Variants in MTUS2 observed in about 807,000 individuals in gnomAD.
MTUS2 encodes microtubule associated scaffold protein 2, also known as microtubule-associated tumor suppressor candidate 2.
In MTUS2, 40 loss-of-function variants were observed where a neutral mutation model predicts 114.1. The ratio of observed to expected loss-of-function variants is 0.35; its 90% CI spans 0.27 to 0.46. The LOEUF (loss-of-function observed/expected upper bound fraction) is 0.46, where lower values mean the gene tolerates loss of function less well. Among genes scored for constraint, MTUS2 ranks in the 20% least tolerant of loss-of-function variants. MTUS2 has a pLI of 1.00. For missense variants in MTUS2, 1,679 were observed against 1,705.4 expected (o/e 0.98, Z 0.27); for synonymous variants, 688 against 672.0 (o/e 1.02, Z -0.37).
chr13:29,136,291 A>T (rs1412710232), intron 5 of MTUS2, among the ~76,000 whole-genome samples: 1 of 152,196 alleles, frequency 6.6e-6, no homozygotes, highest in African/African-American at 2.4e-5. Context: ...GAATTGTGAT[A>T]TTGTGAAATA....
At position 29,025,307 on chromosome 13, in the gene MTUS2, G is replaced by A. The variant is rs1324092800; in HGVS notation, c.609G>A (p.Arg203=). The A allele has an allele frequency of 6.2e-7, 1 of 1,613,806 alleles. No individual in the cohort carries two copies. The highest frequency in any genetic ancestry group is 1.3e-5 in the African/African-American group (1 of 74,900). The change falls in exon 3 of 16, where the codon CGG becomes CGA. Residue 203 remains arginine (R), a synonymous_variant. Transcript: ENST00000612955. ...CACAGCCTCTATCCCTCGACTCCCG[G>A]GAAGCACGGGGTCAGATACCTGGGG... ...QHPQPLSLDS[R]EARGQIPGGG...
intron 8 of MTUS2, among the ~76,000 whole-genome samples, chr13:29,432,265 A>T (rs970444091): frequency 3.1e-4 from 47 of 152,094 alleles, no homozygotes; most frequent in South Asian, 2.1e-4. Context: ...GAAAGGAATG[A>T]TATGACCCAG....
chr13:29,165,517 A>C (rs1030905455), intron 5 of MTUS2, among the ~76,000 whole-genome samples: 9 of 152,166 alleles, frequency 5.9e-5, no homozygotes, highest in African/African-American at 2.2e-4. Context: ...GTCTTTCCTG[A>C]CACCTTAATA....
intron 6 of MTUS2, chr13:29,307,560 G>A (rs1333734075): frequency 8.1e-7 from 1 of 1,239,912 alleles, no homozygotes; most frequent in Admixed American, 1.7e-5. Flanking sequence ...TCAAGAAGGT[G>A]GTAAAGCAGG....
intron 6 of MTUS2, among the ~76,000 whole-genome samples, chr13:29,287,951 T>C (rs1413581972): frequency 1.3e-5 from 2 of 152,196 alleles, no homozygotes; most frequent in Non-Finnish European, 2.9e-5. Flanking sequence ...TGAGCTGCTA[T>C]ACAGCCTGAC....
At chr13:29,500,339 T>G (rs924722565) in intron 14 of MTUS2, among the ~76,000 whole-genome samples, 7 of 152,196 alleles carry the variant, frequency 4.6e-5, no homozygotes, top group African/African-American at 1.7e-4. Flanking sequence ...CTTTAAAGAT[T>G]AACTACATTA....
chr13:29,394,844 G>T (rs1873787355), intron 8 of MTUS2, among the ~76,000 whole-genome samples: 1 of 152,152 alleles, frequency 6.6e-6, no homozygotes, highest in Non-Finnish European at 1.5e-5. Flanking sequence ...TGCATGTGAG[G>T]GATCTAGGTT....
intron 5 of MTUS2, among the ~76,000 whole-genome samples, chr13:29,259,431 T>C (rs1897390750): frequency 1.3e-5 from 2 of 152,226 alleles, no homozygotes. Flanking sequence ...GAGACCCACC[T>C]GTCTCTTCCC....
intron 8 of MTUS2, among the ~76,000 whole-genome samples, chr13:29,439,393 C>T (rs1252085933): frequency 6.6e-6 from 1 of 152,148 alleles, no homozygotes; most frequent in Non-Finnish European, 1.5e-5. Context: ...CCTGAGATTT[C>T]CTTTTTTCAT....
At chr13:29,179,776 T>C (rs927699540) in intron 5 of MTUS2, among the ~76,000 whole-genome samples, 5 of 152,260 alleles carry the variant, frequency 3.3e-5, no homozygotes, top group African/African-American at 1.2e-4. Flanking sequence ...CCAGCTCATA[T>C]ATGTTTTCAG....
chr13:29,072,881 T>C (rs905023940), intron 4 of MTUS2, among the ~76,000 whole-genome samples: 1 of 152,238 alleles, frequency 6.6e-6, no homozygotes, highest in African/African-American at 2.4e-5. Flanking sequence ...TTTCAAACAG[T>C]GTCTATTTAT....
chr13:29,046,827 G>C (rs111362974), intron 4 of MTUS2, among the ~76,000 whole-genome samples: 1 of 151,238 alleles, frequency 6.6e-6, no homozygotes, highest in Non-Finnish European at 1.5e-5. Flanking sequence ...TTCCTTATTC[G>C]GAAAGAGGAC....
In MTUS2 at chr13:28,968,182, A is replaced by G. The variant is rs555316297; in HGVS notation, c.-242-56275A>G. 3.4e-4 allele frequency among the ~76,000 whole-genome samples: 52 copies of G among 152,150 alleles called. 1 individual carries two copies. The highest frequency in any genetic ancestry group is 6.8e-4 in the Non-Finnish European group (46 of 68,012). ...GTGTCTCATTTTTTTCATAAAAGTT[A>G]GTTTTAAAAATTTATTTTTAACGTT... On this transcript the variant is annotated intron_variant, in intron 2 of 15. Coordinates refer to ENST00000612955, the MANE Select transcript of MTUS2 (RefSeq NM_001033602.4).
intron 5 of MTUS2, among the ~76,000 whole-genome samples, chr13:29,232,685 T>C (rs1270206494): frequency 6.6e-6 from 1 of 152,220 alleles, no homozygotes; most frequent in African/African-American, 2.4e-5. Context: ...TTTAGCTTAA[T>C]AGATTTGACT....
At chr13:28,882,546 GGTAACAGA>G (rs1878354914) in intron 2 of MTUS2, among the ~76,000 whole-genome samples, 1 of 152,018 alleles carries the variant, frequency 6.6e-6, no homozygotes, top group Non-Finnish European at 1.5e-5. Context: ...GGCCAGCCTG[GGTAACAGA>G]GTGAGACTCT....
chr13:29,439,233 C>A (rs879851542), intron 8 of MTUS2, among the ~76,000 whole-genome samples: 6 of 152,168 alleles, frequency 3.9e-5, no homozygotes, highest in Non-Finnish European at 7.4e-5. Flanking sequence ...TCATAATATG[C>A]TGTTTATAGT....
intron 5 of MTUS2, among the ~76,000 whole-genome samples, chr13:29,147,152 A>G (rs186403937): frequency 9.9e-5 from 15 of 152,248 alleles, no homozygotes; most frequent in Admixed American, 9.8e-4. Flanking sequence ...TTTAACCATC[A>G]TTGAGGAAAG....
chr13:28,848,917 C>G (rs1311997249), intron 2 of MTUS2, among the ~76,000 whole-genome samples: 1 of 152,112 alleles, frequency 6.6e-6, no homozygotes, highest in Non-Finnish European at 1.5e-5. Context: ...TAGGATAGTT[C>G]CCCACAAAGG....
chr13:29,403,464 T>G (rs1874504958), intron 8 of MTUS2, among the ~76,000 whole-genome samples: 2 of 152,212 alleles, frequency 1.3e-5, no homozygotes. Flanking sequence ...AGACATTTGG[T>G]CAAACATTAT....
Sources: gnomAD v4.1 joint callset for allele counts (sites outside exome capture counted in the v4.1 genomes callset) on GRCh38, gnomAD v4.1.1 for gene constraint, MANE v1.5 for transcripts, NCBI Gene and HGNC (gene_info 2026-07-23, HGNC 2026-07-21) for gene names.